The following PLGRKT variants were observed in gnomAD, a reference collection of about 807,000 sequenced individuals.
PLGRKT encodes the protein plasminogen receptor with a C-terminal lysine.
A neutral mutation model predicts 18.5 loss-of-function variants in PLGRKT; 22 were observed. The ratio of observed to expected loss-of-function variants is 1.19; its 90% CI spans 0.85 to 1.70. PLGRKT has a LOEUF of 1.70. PLGRKT is among the 40% of genes most tolerant of loss of function. The pLI is 0.00. For synonymous variants in PLGRKT, 72 were observed against 52.8 expected, an observed-to-expected ratio of 1.36 and a Z score of -1.58; for missense variants, 235 against 174.4, an observed-to-expected ratio of 1.35 and a Z score of -1.96.
At chr9:5,426,767 A>C (rs1818710066) in intron 3 of PLGRKT, among the ~76,000 whole-genome samples, 1 of 152,162 alleles carries the variant, frequency 6.6e-6, no homozygotes, top group Non-Finnish European at 1.5e-5. Context: ...ACCCTGAGGG[A>C]TGAGGTACCA....
chr9:5,429,417 G>A (rs1818770931), intron 3 of PLGRKT, among the ~76,000 whole-genome samples: 1 of 152,146 alleles, frequency 6.6e-6, no homozygotes, highest in South Asian at 2.1e-4. Context: ...CAAACTGGAC[G>A]GCTTAAGCAA....
intron 3 of PLGRKT, among the ~76,000 whole-genome samples, chr9:5,364,318 G>C (rs929154919): frequency 2.0e-5 from 3 of 152,266 alleles, no homozygotes; most frequent in Non-Finnish European, 4.4e-5. Flanking sequence ...TCCCACAAAA[G>C]ATCAACCTGA....
intron 3 of PLGRKT, among the ~76,000 whole-genome samples, chr9:5,392,985 G>A (rs1412079859): frequency 6.6e-6 from 1 of 151,516 alleles, no homozygotes; most frequent in East Asian, 1.9e-4. Flanking sequence ...GTGATTACAG[G>A]TGTGTGCCAC....
chr9:5,385,026 G>A (rs1817815726), intron 3 of PLGRKT, among the ~76,000 whole-genome samples: 1 of 152,164 alleles, frequency 6.6e-6, no homozygotes, highest in African/African-American at 2.4e-5. Flanking sequence ...AAGGTGAGAT[G>A]AGGTCAGATG....
intron 3 of PLGRKT, among the ~76,000 whole-genome samples, chr9:5,362,293 T>C (rs550435126): frequency 1.3e-5 from 2 of 152,340 alleles, no homozygotes; most frequent in South Asian, 2.1e-4. Flanking sequence ...CCATTCCAAA[T>C]TGAAATTTAT....
Position 5,424,652 on chromosome 9 carries a change from A to T in PLGRKT, c.81+7245T>A, listed in dbSNP as rs187968017. Among the ~76,000 whole-genome samples, 281 of 126,288 alleles carry T rather than the reference A, an allele frequency of 2.2e-3. 7 individuals carry two copies. The highest frequency in any genetic ancestry group is 9.0e-3 in the African/African-American group (268 of 29,922). 82.8% of individuals were successfully genotyped at this position (126,288 alleles called of 152,430 possible). ...ATATTAATATATTTACATTATATAT[A>T]ATATAATTATATATTTTATATATAT... On this transcript the variant is annotated intron_variant, in intron 3 of 5. Coordinates refer to ENST00000223864, the MANE Select transcript of PLGRKT (RefSeq NM_018465.4).
intron 3 of PLGRKT, among the ~76,000 whole-genome samples, chr9:5,407,613 C>T (rs1478524096): frequency 1.3e-5 from 2 of 151,894 alleles, no homozygotes; most frequent in Non-Finnish European, 2.9e-5. Flanking sequence ...TCTGATTACA[C>T]CTCTAGACAG....
intron 3 of PLGRKT, among the ~76,000 whole-genome samples, chr9:5,426,174 A>G (rs1242948641): frequency 6.6e-6 from 1 of 152,176 alleles, no homozygotes; most frequent in Non-Finnish European, 1.5e-5. Context: ...AGCCTTAGCT[A>G]TTTGGGTTCA....
At chr9:5,394,333 G>C (rs1336811862) in intron 3 of PLGRKT, among the ~76,000 whole-genome samples, 4 of 151,854 alleles carry the variant, frequency 2.6e-5, no homozygotes, top group African/African-American at 9.7e-5. Flanking sequence ...AATGGCTCAG[G>C]TGCAGGGAAA....
At chr9:5,376,641 A>ACAT (rs925958905) in intron 3 of PLGRKT, among the ~76,000 whole-genome samples, 5 of 152,172 alleles carry the variant, frequency 3.3e-5, no homozygotes, top group South Asian at 2.1e-4. Context: ...CTCCTTATCA[A>ACAT]CATCATCATC....
chr9:5,429,500 A>T (rs1010312788), intron 3 of PLGRKT, among the ~76,000 whole-genome samples: 1 of 152,156 alleles, frequency 6.6e-6, no homozygotes, highest in Admixed American at 6.5e-5. Context: ...GTTCCTTACT[A>T]AGGCTGTGAG....
At chr9:5,379,738 G>C (rs1471855024) in intron 3 of PLGRKT, among the ~76,000 whole-genome samples, 4 of 152,238 alleles carry the variant, frequency 2.6e-5, no homozygotes, top group African/African-American at 9.6e-5. Context: ...TCTCATTTTT[G>C]AGTCTCATAT....
chr9:5,429,311 G>A (rs1414985056), intron 3 of PLGRKT, among the ~76,000 whole-genome samples: 1 of 152,198 alleles, frequency 6.6e-6, no homozygotes, highest in African/African-American at 2.4e-5. Context: ...TGAAGCTCCA[G>A]TGAGGCCACT....
intron 3 of PLGRKT, among the ~76,000 whole-genome samples, chr9:5,424,307 T>A (rs1219422116): frequency 1.5e-5 from 2 of 136,308 alleles, no homozygotes; most frequent in Non-Finnish European, 3.0e-5. Context: ...AGCTGGGCAA[T>A]GTGATGTGTA....
intron 3 of PLGRKT, among the ~76,000 whole-genome samples, chr9:5,389,999 T>C (rs1325198320): frequency 2.0e-5 from 3 of 151,642 alleles, no homozygotes; most frequent in Admixed American, 2.0e-4. Context: ...TGGTACATCA[T>C]GTCCAGAAGC....
Position 5,401,374 on chromosome 9 carries a change from A to G in PLGRKT, c.81+30523T>C, listed in dbSNP as rs188897615. ...TCACATTAAAACTTTGTCTAACACT[A>G]TTTTGTTTTGCATGGCATTTAGAAT... is the stretch of plus-strand genomic sequence containing the variant. On this transcript the variant is annotated intron_variant, in intron 3 of 5. Transcript: ENST00000223864. 4.6e-3 allele frequency among the ~76,000 whole-genome samples: 703 copies of G among 152,118 alleles called. 24 individuals are homozygous for G. Among genetic ancestry groups the G allele is most frequent in the African/African-American group, 0.016 (656 of 41,386 alleles).
intron 3 of PLGRKT, among the ~76,000 whole-genome samples, chr9:5,405,113 T>A (rs1818230668): frequency 2.0e-5 from 3 of 152,028 alleles, no homozygotes; most frequent in Non-Finnish European, 4.4e-5. Context: ...AAACCTCTGC[T>A]CAAGGAAATC....
intron 3 of PLGRKT, chr9:5,392,742 A>G (rs558577135): frequency 2.8e-4 from 43 of 152,122 alleles, no homozygotes; most frequent in Non-Finnish European, 4.7e-4. Flanking sequence ...CTGGCATTTA[A>G]TAAGCATTCA....
At chr9:5,362,039 T>A in intron 3 of PLGRKT, 151 bp from the exon 4 acceptor site, 2 of 716,916 alleles carry the variant, frequency 2.8e-6, no homozygotes, top group Non-Finnish European at 2.3e-6. Flanking sequence ...TAAAGTTCCT[T>A]TGGACAGCTC....
Sources: allele counts gnomAD v4.1 joint callset (sites outside exome capture counted in the v4.1 genomes callset), GRCh38; gene constraint gnomAD v4.1.1; transcripts MANE v1.5; gene names NCBI Gene and HGNC (gene_info 2026-07-23, HGNC 2026-07-21).